The following CEP170B variants were observed in gnomAD, a reference collection of about 807,000 sequenced individuals.
The protein encoded by CEP170B is centrosomal protein of 170 kDa protein B.
In CEP170B, 55 loss-of-function variants were observed where a neutral mutation model predicts 120.6. That is an observed-to-expected ratio of 0.46 (90% CI 0.37 to 0.57). CEP170B has a LOEUF of 0.57. Among genes scored for constraint, CEP170B ranks in the 20% least tolerant of loss-of-function variants. CEP170B has a pLI of 0.00. For synonymous variants in CEP170B, 1,033 were observed against 954.5 expected (o/e 1.08, Z -1.52); for missense variants, 2,212 against 2,253.3 (o/e 0.98, Z 0.37).
chr14:104,869,458 G>T (rs1895361609), intron 2 of CEP170B, among the ~76,000 whole-genome samples: 1 of 152,218 alleles, frequency 6.6e-6, no homozygotes, highest in Non-Finnish European at 1.5e-5. Context: ...GCCTCAGGCT[G>T]TGGTGAGGGG....
chr14:104,868,309 T>TCCGGAAGCTGCCAGCTTCC lies in CEP170B; in HGVS notation c.-27-113_-27-95dup, dbSNP rs1405703783. The TCCGGAAGCTGCCAGCTTCC allele has an allele frequency of 6.9e-5, 50 of 721,336 alleles. No individual in the cohort carries two copies. In the Admixed American group the frequency reaches 1.4e-3, roughly 20 times the overall value. 44.7% of individuals were successfully genotyped at this position (721,336 alleles called of 1,614,324 possible). ...CCTGATGAGGCTGGAGCCCAGCTTC[T>TCCGGAAGCTGCCAGCTTCC]CCGGAAGCTGCCAGCTTCCCTTAGA... On this transcript the variant is annotated intron_variant, in intron 1 of 18. Transcript: ENST00000414716. This position sits in a 1 kb window ranked among gnomAD's most constrained non-coding sequence, Gnocchi z 5.9.
chr14:104,895,828 A>G lies in CEP170B; in HGVS notation c.*870A>G, dbSNP rs1328308611. On this transcript the variant is annotated 3_prime_UTR_variant, in exon 19 of 19. Transcript: ENST00000414716. ...CCCTTCTGGCGGGGGTGAGCGCACG[A>G]CCAAAGTCACTGGAAGCCGGGTTTC... The G allele has an allele frequency of 6.6e-6, 1 of 152,658 alleles. No homozygotes were observed. The highest frequency in any genetic ancestry group is 1.5e-5 in the Non-Finnish European group (1 of 68,298). 9.5% of individuals were successfully genotyped at this position (152,658 alleles called of 1,614,324 possible). A position where few individuals can be genotyped will look rare whatever the true frequency, so the allele number is the denominator to read the frequency against.
At chr14:104,874,647 C>T (rs1206158252) in intron 2 of CEP170B, among the ~76,000 whole-genome samples, 2 of 152,064 alleles carry the variant, frequency 1.3e-5, no homozygotes, top group African/African-American at 4.8e-5. Flanking sequence ...CCTCGCCACC[C>T]TCCACTGTAG....
chr14:104,895,251 G>A lies in CEP170B; in HGVS notation c.*293G>A, dbSNP rs536450086. Reference sequence around the variant, plus strand: ...GTCAAGCCCTCAAGGGCATTACCCCGCCTCCTCTTCATCACTGTTATTTTT... The same window carrying A: ...GTCAAGCCCTCAAGGGCATTACCCCACCTCCTCTTCATCACTGTTATTTTT... On this transcript the variant is annotated 3_prime_UTR_variant, in exon 19 of 19. Transcript: ENST00000414716. The A allele has an allele frequency of 4.2e-4, 172 of 410,186 alleles. No individual in the cohort carries two copies. The highest frequency in any genetic ancestry group is 6.2e-4 in the Middle Eastern group (1 of 1,604). 25.4% of individuals were successfully genotyped at this position (410,186 alleles called of 1,614,324 possible).
In CEP170B at chr14:104,884,426, C is replaced by T. The variant is rs537894408; in HGVS notation, c.1647C>T (p.Asp549=). The T allele has an allele frequency of 6.5e-6, 10 of 1,549,312 alleles. No homozygotes were observed. The highest frequency in any genetic ancestry group is 1.2e-5 in the South Asian group (1 of 84,016). The change falls in exon 9 of 19, where the codon GAC becomes GAT. Residue 549 remains aspartate (D), a synonymous_variant. Coordinates refer to ENST00000414716, the MANE Select transcript of CEP170B (RefSeq NM_001112726.3). The stretch of plus-strand genomic sequence containing the variant: ...CGACCCCACCGCCCGCCCCCACGGA[C>T]CCCCAGCTGACCAAGGCACGGAAAC... ...GPPTPPPAPT[D]PQLTKARKQE...
At chr14:104,876,367 C>G (rs1203572039) in intron 3 of CEP170B, 22 bp downstream of exon 3, 10 of 1,549,634 alleles carry the variant, frequency 6.5e-6, no homozygotes, top group African/African-American at 5.5e-5. Flanking sequence ...AGGCCCTGGC[C>G]TGGCCTTTTA....
intron 13 of CEP170B, 99 bp from the exon 14 acceptor site, chr14:104,892,877 G>C: frequency 1.5e-6 from 2 of 1,357,364 alleles, no homozygotes; most frequent in Non-Finnish European, 1.0e-6. Context: ...CCTCTGGCCA[G>C]CAGCTGCCTG....
At position 104,886,508 on chromosome 14, in the gene CEP170B, C is replaced by T; in HGVS notation, c.2269C>T (p.Arg757Ter). 1 of 1,503,562 alleles carries T rather than the reference C, an allele frequency of 6.7e-7. No homozygotes were observed. Among genetic ancestry groups the T allele is most frequent in the Non-Finnish European group, 8.8e-7 (1 of 1,130,278 alleles). The allele number at this position is 1,503,562 out of a possible 1,614,324, so 93.1% of individuals were successfully genotyped here. ...CGATGCCAGTGGGTCGGACGGGGGC[C>T]GAGGCCCCGAGCCAGGGGTGGAGCC... ...LSDASGSDGG[R>*]GPEPGVEPQD... Residue 757 changes from arginine to a stop codon, truncating the protein, a stop_gained, in exon 12 of 19, where the codon CGA (arginine) becomes TGA (stop). Coordinates refer to ENST00000414716, the MANE Select transcript of CEP170B (RefSeq NM_001112726.3). LOFTEE classifies it high-confidence loss of function.
At chr14:104,885,049 CG>C (rs565980190) in intron 9 of CEP170B, among the ~76,000 whole-genome samples, 1 of 19,882 alleles carries the variant, frequency 5.0e-5, no homozygotes, top group African/African-American at 3.5e-4. Flanking sequence ...TCGTGGGGAA[CG>C]GGGGGTGGAG....
In CEP170B at chr14:104,868,656, C is replaced by T. The variant is rs1310219983; in HGVS notation, c.105+101C>T. On this transcript the variant is annotated intron_variant, in intron 2 of 18. Transcript: ENST00000414716. The surrounding 1 kb of genome is among the most constrained non-coding windows in gnomAD (Gnocchi z 5.9). ...CCCCACTTGCTGCAGGCCACCCTGG[C>T]GAGGAGGCCGCCATGCAGCCCAGGC... The T allele has an allele frequency of 1.1e-5, 13 of 1,144,004 alleles. No homozygotes were observed. The highest frequency in any genetic ancestry group is 5.2e-5 in the East Asian group (2 of 38,822). 70.9% of individuals were successfully genotyped at this position (1,144,004 alleles called of 1,614,324 possible).
Position 104,887,349 on chromosome 14 carries a change from C to G in CEP170B, c.3110C>G (p.Pro1037Arg). ...TCAGCCATAAGGCGTGGCCACAGGC[C>G]CCGAGGGTCCCTGGATTGGCCCAGT... ...RRSAIRRGHR[P>R]RGSLDWPSEE... Residue 1037 changes from proline (P) to arginine (R), a missense_variant, in exon 12 of 19, where the codon CCC becomes CGC. Pro to Arg is a moderately radical substitution (Grantham distance 103). This residue lies in a region of CEP170B where 2,166 missense variants were observed against 2,166.7 expected (regional missense o/e 1.00). Transcript: ENST00000414716. 1 of 1,611,678 alleles carries G rather than the reference C, an allele frequency of 6.2e-7. No homozygotes were observed. Among genetic ancestry groups the G allele is most frequent in the Non-Finnish European group, 8.5e-7 (1 of 1,179,484 alleles).
chr14:104,889,438 G>A (rs908624272), intron 12 of CEP170B, 182 bp from the exon 13 acceptor site: 2 of 1,458,962 alleles, frequency 1.4e-6, no homozygotes, highest in Non-Finnish European at 1.8e-6. Context: ...CTCTCCCAGA[G>A]GGACCCTGGG....
chr14:104,879,818 A>G (rs115823979), intron 5 of CEP170B, among the ~76,000 whole-genome samples: 2,165 of 152,210 alleles, frequency 0.014, 53 homozygotes, highest in African/African-American at 0.05. Flanking sequence ...TCACTTGTTC[A>G]TGTGGGAGTT....
Position 104,867,919 on chromosome 14 carries a change from G to C in CEP170B, c.-27-505G>C, listed in dbSNP as rs536683632. On this transcript the variant is annotated intron_variant, in intron 1 of 18. Transcript: ENST00000414716. The surrounding 1 kb of genome is among the most constrained non-coding windows in gnomAD (Gnocchi z 5.4). ...CTGCCCCTCACCCCAGGCCCTGCCT[G>C]GGGCTCAGTCTCAGAGTGTCCTGCT... Among the ~76,000 whole-genome samples, 1 of 152,244 alleles carries C rather than the reference G, an allele frequency of 6.6e-6. No homozygotes were observed. Among genetic ancestry groups the C allele is most frequent in the South Asian group, 2.1e-4 (1 of 4,804 alleles).
In CEP170B at chr14:104,886,731, C is replaced by G. The variant is rs753321525; in HGVS notation, c.2492C>G (p.Pro831Arg). The G allele has an allele frequency of 1.9e-6, 3 of 1,606,560 alleles. No homozygotes were observed. In the South Asian group the frequency reaches 3.3e-5, roughly 18 times the overall value. The change falls in exon 12 of 19, where the codon CCA becomes CGA. Residue 831 changes from proline (P) to arginine (R), a missense_variant. Transcript: ENST00000414716. The part of the protein sequence containing the change: ...GLGQTAQPSP[P>R]ARDGVYVSAN... ...GGGCAGACAGCCCAGCCCAGCCCCC[C>G]AGCACGGGATGGCGTCTATGTCAGT...
At chr14:104,873,033 C>T (rs1273292121) in intron 2 of CEP170B, among the ~76,000 whole-genome samples, 2 of 152,168 alleles carry the variant, frequency 1.3e-5, no homozygotes, top group Admixed American at 1.3e-4. Context: ...GGGGCCACTT[C>T]TCATTGGTGG....
intron 5 of CEP170B, 47 bp downstream of exon 5, chr14:104,878,548 C>A: frequency 6.4e-7 from 1 of 1,570,478 alleles, no homozygotes; most frequent in Non-Finnish European, 8.7e-7. Context: ...GGGCTCAGCC[C>A]CCCATCCTCC....
chr14:104,892,827 T>G (rs1595361342), intron 13 of CEP170B, 149 bp from the exon 14 acceptor site: 1 of 842,486 alleles, frequency 1.2e-6, no homozygotes, highest in Non-Finnish European at 1.9e-6. Flanking sequence ...GCTAGGCCGG[T>G]GTTTGGGGCC....
chr14:104,892,400 A>G (rs776779078), intron 13 of CEP170B, among the ~76,000 whole-genome samples: 1 of 152,096 alleles, frequency 6.6e-6, no homozygotes, highest in Non-Finnish European at 1.5e-5. Flanking sequence ...CTGAGCTGCC[A>G]TTGGCCTCAC....
Sources: allele counts gnomAD v4.1 joint callset (sites outside exome capture counted in the v4.1 genomes callset), GRCh38; gene constraint gnomAD v4.1.1; regional missense constraint gnomAD v4.1.1; non-coding constraint Gnocchi (gnomAD v3.1); transcripts MANE v1.5; gene names NCBI Gene and HGNC (gene_info 2026-07-23, HGNC 2026-07-21).